The following MRPL38 variants were observed in gnomAD, a reference collection of about 807,000 sequenced individuals.
MRPL38 encodes the protein large ribosomal subunit protein mL38.
Under a neutral mutation model 52.1 loss-of-function variants are expected in MRPL38, and 51 were observed. The observed-to-expected ratio is 0.98, with a 90% CI of 0.78 to 1.24. The LOEUF (loss-of-function observed/expected upper bound fraction) is 1.24, where lower values mean the gene tolerates loss of function less well. Ranked by LOEUF, MRPL38 falls within the 50% of genes most tolerant of loss-of-function variation. The pLI is 0.00. For synonymous variants in MRPL38, 245 were observed against 212.7 expected (o/e 1.15, Z -1.32); for missense variants, 527 against 518.6 (o/e 1.02, Z -0.16).
At chr17:75,899,357 A>G in intron 7 of MRPL38, 63 bp from the exon 8 acceptor site, 3 of 1,576,232 alleles carry the variant, frequency 1.9e-6, no homozygotes, top group Non-Finnish European at 2.6e-6. Flanking sequence ...TCACCCCGCC[A>G]CCCCAACAGG....
chr17:75,899,153 C>G lies in MRPL38; in HGVS notation c.1006+5G>C. Reference sequence around the variant, plus strand: ...CACCCAGTGCCCCAGCCCCATGGCCCTTACCCAGAAGCTGGTGGAAGATGT... The same window carrying G: ...CACCCAGTGCCCCAGCCCCATGGCCGTTACCCAGAAGCTGGTGGAAGATGT... On this transcript the variant is annotated splice_donor_5th_base_variant and intron_variant, in intron 8 of 8. Coordinates refer to ENST00000309352, the MANE Select transcript of MRPL38 (RefSeq NM_032478.4). 6.3e-7 allele frequency: 1 copy of G among 1,599,642 alleles called. No individual in the cohort carries two copies. Among genetic ancestry groups the G allele is most frequent in the Middle Eastern group, 1.7e-4 (1 of 5,936 alleles).
At position 75,900,936 on chromosome 17, in the gene MRPL38, T is replaced by C. The variant is rs1188775580; in HGVS notation, c.710+46A>G. ...GCTCAGTCCAGGCTCCCAGCTCCTCTTCCCGCCTGGGCAGCACCCCCTACC... is the reference window on the plus strand; with the variant it reads ...GCTCAGTCCAGGCTCCCAGCTCCTCCTCCCGCCTGGGCAGCACCCCCTACC... On this transcript the variant is annotated intron_variant, in intron 6 of 8. Coordinates refer to ENST00000309352, the MANE Select transcript of MRPL38 (RefSeq NM_032478.4). The C allele has an allele frequency of 3.8e-6, 6 of 1,579,344 alleles. No homozygotes were observed. In the African/African-American group the frequency reaches 6.5e-5, roughly 17 times the overall value.
intron 1 of MRPL38, 39 bp downstream of exon 1, chr17:75,904,770 G>GGCCGGGCCCCCC: frequency 2.0e-6 from 1 of 500,008 alleles, no homozygotes; most frequent in Non-Finnish European, 2.8e-6. Context: ...TCGGGCGACA[G>GGCCGGGCCCCCC]CCCCCCCCCC....
chr17:75,899,906 G>A, intron 6 of MRPL38: 2 of 347,620 alleles, frequency 5.8e-6, no homozygotes, highest in Non-Finnish European at 1.0e-5. Context: ...GAGAGCATCA[G>A]CTTGACAGCA....
At chr17:75,904,452 C>T (rs2065419106) in intron 2 of MRPL38, 88 bp downstream of exon 2, 1 of 1,391,370 alleles carries the variant, frequency 7.2e-7, no homozygotes. Context: ...AGGGCGCCGG[C>T]AAGGCTCGCC....
At chr17:75,899,334 G>T in intron 7 of MRPL38, 40 bp from the exon 8 acceptor site, 1 of 1,600,538 alleles carries the variant, frequency 6.2e-7, no homozygotes, top group Non-Finnish European at 8.5e-7. Context: ...GTGGAGTGGG[G>T]CACCAGAGCC....
rs1196663754 is a variant in MRPL38, at chr17:75,898,905, A to G, written c.1088T>C (p.Leu363Pro). Residue 363 changes from leucine to proline, a missense_variant, in exon 9 of 9, where the codon CTG (leucine) becomes CCG (proline). Coordinates refer to ENST00000309352, the MANE Select transcript of MRPL38 (RefSeq NM_032478.4). ...GTCCCTGTACCGGTCCAGGTAGCGC[A>G]GGGGCTGCCGGTGGGGGAAGCGCTT... Reference protein sequence around the residue: ...KQKRFPHRQPLRYLDRYRDSH... With the variant: ...KQKRFPHRQPPRYLDRYRDSH... The G allele has an allele frequency of 6.2e-7, 1 of 1,611,400 alleles. No individual in the cohort carries two copies. Among genetic ancestry groups the G allele is most frequent in the South Asian group, 1.1e-5 (1 of 90,940 alleles).
At chr17:75,904,517 C>G (rs776244674) in intron 2 of MRPL38, 23 bp downstream of exon 2, 11 of 1,508,838 alleles carry the variant, frequency 7.3e-6, no homozygotes, top group Admixed American at 4.5e-5. Context: ...GTGGCTGCAG[C>G]CCCTGCTCCA....
At position 75,901,441 on chromosome 17, in the gene MRPL38, C is replaced by T. The variant is rs2065404038; in HGVS notation, c.592-168G>A. On this transcript the variant is annotated intron_variant, in intron 4 of 8. Transcript: ENST00000309352. This position sits in a 1 kb window ranked among gnomAD's most constrained non-coding sequence, Gnocchi z 5.7. ...GAAGCAGCCCTGCAGAGTTGCCTGT[C>T]CAGGCAACAACCACAAAAACGAACA... 2.8e-6 allele frequency: 2 copies of T among 726,478 alleles called. No homozygotes were observed. Among genetic ancestry groups the T allele is most frequent in the South Asian group, 3.4e-5 (2 of 58,592 alleles). The allele number at this position is 726,478 out of a possible 1,614,324, so 45.0% of individuals were successfully genotyped here. A position where few individuals can be genotyped will look rare whatever the true frequency, so the allele number is the denominator to read the frequency against.
chr17:75,899,497 T>A lies in MRPL38; in HGVS notation c.869+19A>T. ...GGAGCTGGCCTGAGGCCGGGTTATG[T>A]GTGGGTGGTGTAGATTACCAGGGTG... On this transcript the variant is annotated intron_variant, in intron 7 of 8. Transcript: ENST00000309352. 6.4e-7 allele frequency: 1 copy of A among 1,565,324 alleles called. No homozygotes were observed. Among genetic ancestry groups the A allele is most frequent in the Non-Finnish European group, 8.7e-7 (1 of 1,150,440 alleles).
intron 2 of MRPL38, among the ~76,000 whole-genome samples, chr17:75,902,550 G>A (rs1300520317): frequency 6.6e-6 from 1 of 152,150 alleles, no homozygotes; most frequent in Non-Finnish European, 1.5e-5. Flanking sequence ...CCCAGTGAGG[G>A]GGCGGGCACA....
chr17:75,903,104 A>G (rs1005854076), intron 2 of MRPL38, among the ~76,000 whole-genome samples: 5 of 152,206 alleles, frequency 3.3e-5, no homozygotes, highest in African/African-American at 1.2e-4. Context: ...CTGATGCTAG[A>G]AGGACTTATA....
At chr17:75,903,517 G>A (rs1163277875) in intron 2 of MRPL38, among the ~76,000 whole-genome samples, 1 of 152,166 alleles carries the variant, frequency 6.6e-6, no homozygotes, top group East Asian at 1.9e-4. Flanking sequence ...CAGCAATTTT[G>A]TAGCAAAGAC....
chr17:75,902,213 C>T, intron 2 of MRPL38, 59 bp from the exon 3 acceptor site: 2 of 1,521,722 alleles, frequency 1.3e-6, no homozygotes, highest in Non-Finnish European at 1.8e-6. Context: ...CCTTAACCTC[C>T]CCAACTCAGT....
chr17:75,904,751 C>A, intron 1 of MRPL38, 32 bp from the exon 2 acceptor site: 1 of 1,488,662 alleles, frequency 6.7e-7, no homozygotes. Context: ...AAGGCCGGCG[C>A]CCCACAGCTC....
At position 75,901,437 on chromosome 17, in the gene MRPL38, C is replaced by CT. The variant is rs140141722; in HGVS notation, c.592-165dup. ...TAGAGAAGCAGCCCTGCAGAGTTGC[C>CT]TGTCCAGGCAACAACCACAAAAACG... On this transcript the variant is annotated intron_variant, in intron 4 of 8. Coordinates refer to ENST00000309352, the MANE Select transcript of MRPL38 (RefSeq NM_032478.4). This position sits in a 1 kb window ranked among gnomAD's most constrained non-coding sequence, Gnocchi z 5.7. 4,384 of 743,030 alleles carry CT rather than the reference C, an allele frequency of 5.9e-3. 125 individuals carry two copies. The African/African-American group carries it at 0.063, about 11-fold the overall frequency. The allele number at this position is 743,030 out of a possible 1,614,324, so 46.0% of individuals were successfully genotyped here.
In MRPL38 at chr17:75,902,025, C is replaced by G; in HGVS notation, c.377G>C (p.Arg126Pro). 1 of 1,613,692 alleles carries G rather than the reference C, an allele frequency of 6.2e-7. No homozygotes were observed. Among genetic ancestry groups the G allele is most frequent in the Non-Finnish European group, 8.5e-7 (1 of 1,179,772 alleles). Residue 126 changes from arginine to proline, a missense_variant, in exon 3 of 9, where the codon CGC (arginine) becomes CCC (proline). Coordinates refer to ENST00000309352, the MANE Select transcript of MRPL38 (RefSeq NM_032478.4). ...CCTCCCCTGAGAAGGCTTACCTGTG[C>G]GGAGGCGGGCAGCCCGCTCCTCTTC... ...NVEEERAARL[R>P]TASVPLDAVR...
chr17:75,899,158 C>G lies in MRPL38; in HGVS notation c.1006G>C (p.Asp336His). 1 of 1,601,230 alleles carries G rather than the reference C, an allele frequency of 6.2e-7. No individual in the cohort carries two copies. The highest frequency in any genetic ancestry group is 8.5e-7 in the Non-Finnish European group (1 of 1,174,608). Reference protein sequence around the residue: ...SVTYIFHQLLDMREPVFEFVR... With the variant: ...SVTYIFHQLLHMREPVFEFVR... Reference sequence around the variant, plus strand: ...AGTGCCCCAGCCCCATGGCCCTTACCCAGAAGCTGGTGGAAGATGTAGGTG... The same window carrying G: ...AGTGCCCCAGCCCCATGGCCCTTACGCAGAAGCTGGTGGAAGATGTAGGTG... The change falls in exon 8 of 9, where the codon GAC becomes CAC. Residue 336 changes from aspartate (D) to histidine (H), a missense_variant and splice_region_variant. Asp to His is a moderately conservative substitution (Grantham distance 81, BLOSUM62 -1). Transcript: ENST00000309352.
chr17:75,904,770 G>GGGGGGCGGCCCCCC, intron 1 of MRPL38, 39 bp downstream of exon 1: 1 of 500,008 alleles, frequency 2.0e-6, no homozygotes, highest in Non-Finnish European at 2.8e-6. Context: ...TCGGGCGACA[G>GGGGGGCGGCCCCCC]CCCCCCCCCC....
Sources: allele counts gnomAD v4.1 joint callset (sites outside exome capture counted in the v4.1 genomes callset), GRCh38; gene constraint gnomAD v4.1.1; non-coding constraint Gnocchi (gnomAD v3.1); transcripts MANE v1.5; gene names NCBI Gene and HGNC (gene_info 2026-07-23, HGNC 2026-07-21).